The following ULK4 variants were observed in gnomAD, a reference collection of about 807,000 sequenced individuals.
ULK4 encodes unc-51 like kinase 4.
ULK4 carries 133 observed loss-of-function variants against 160.6 expected under a neutral mutation model. The ratio of observed to expected loss-of-function variants is 0.83; its 90% CI spans 0.72 to 0.96. ULK4 has a LOEUF of 0.96. Among genes scored for constraint, ULK4 ranks in the 40% least tolerant of loss-of-function variants. The pLI is 0.00. For synonymous variants in ULK4, 534 were observed against 539.8 expected, an observed-to-expected ratio of 0.99 and a Z score of 0.15; for missense variants, 1,580 against 1,499.5, an observed-to-expected ratio of 1.05 and a Z score of -0.89.
chr3:41,911,603 G>A lies in ULK4; in HGVS notation c.953C>T (p.Ser318Phe). 2 of 1,613,958 alleles carry A rather than the reference G, an allele frequency of 1.2e-6. No individual in the cohort carries two copies. Among genetic ancestry groups the A allele is most frequent in the Admixed American group, 1.7e-5 (1 of 60,014 alleles). Reference protein sequence around the residue: ...PQDSKELLQNSQSRQAKGHKS... With the variant: ...PQDSKELLQNFQSRQAKGHKS... Reference sequence around the variant, plus strand: ...GTGCCCTTTTGCTTGTCTACTCTGAGAGTTCTGCAAAAGCTCCTTGGAATC... The same window carrying A: ...GTGCCCTTTTGCTTGTCTACTCTGAAAGTTCTGCAAAAGCTCCTTGGAATC... The change falls in exon 10 of 37, where the codon TCT becomes TTT. Residue 318 changes from serine to phenylalanine, a missense_variant. Physicochemically the swap from Ser to Phe is radical, Grantham distance 155 (BLOSUM62 -2). Coordinates refer to ENST00000301831, the MANE Select transcript of ULK4 (RefSeq NM_017886.4).
chr3:41,314,642 A>G (rs182554971), intron 35 of ULK4, among the ~76,000 whole-genome samples: 25 of 152,360 alleles, frequency 1.6e-4, no homozygotes, highest in Admixed American at 5.2e-4. Flanking sequence ...TAGTGGTAAT[A>G]GTGGTGATGG....
At chr3:41,270,364 C>T (rs2079119493) in intron 35 of ULK4, among the ~76,000 whole-genome samples, 1 of 152,142 alleles carries the variant, frequency 6.6e-6, no homozygotes, top group South Asian at 2.1e-4. Flanking sequence ...CCATGTATGT[C>T]CACAACTGTC....
intron 17 of ULK4, among the ~76,000 whole-genome samples, chr3:41,881,441 C>G (rs1034349251): frequency 1.3e-5 from 2 of 152,118 alleles, no homozygotes; most frequent in Non-Finnish European, 1.5e-5. Context: ...CTAGTGGCTA[C>G]TTAAATTATC....
chr3:41,860,662 T>G (rs951389224), intron 17 of ULK4, among the ~76,000 whole-genome samples: 4 of 152,212 alleles, frequency 2.6e-5, no homozygotes, highest in Admixed American at 6.5e-5. Flanking sequence ...GGGTCTTGTT[T>G]TTTCATCCAG....
intron 5 of ULK4, among the ~76,000 whole-genome samples, chr3:41,922,611 G>C (rs1240782149): frequency 2.6e-5 from 4 of 151,334 alleles, no homozygotes; most frequent in Non-Finnish European, 5.9e-5. Context: ...GGGGTTAAGG[G>C]GTGAGGGGGG....
At chr3:41,379,335 G>A (rs2081594843) in intron 35 of ULK4, among the ~76,000 whole-genome samples, 1 of 152,152 alleles carries the variant, frequency 6.6e-6, no homozygotes. Flanking sequence ...AATGGAGGCA[G>A]AATAATTTGA....
At chr3:41,550,774 G>T (rs368839069) in intron 32 of ULK4, among the ~76,000 whole-genome samples, 1 of 151,964 alleles carries the variant, frequency 6.6e-6, no homozygotes, top group Non-Finnish European at 1.5e-5. Flanking sequence ...CTGTATTTTA[G>T]ATCATATGGA....
chr3:41,562,095 T>A (rs1264483483), intron 32 of ULK4, among the ~76,000 whole-genome samples: 1 of 152,236 alleles, frequency 6.6e-6, no homozygotes, highest in East Asian at 1.9e-4. Context: ...AACATCTTTA[T>A]TTCTGCCTTC....
chr3:41,520,683 G>C (rs549159615), intron 32 of ULK4, among the ~76,000 whole-genome samples: 1 of 152,186 alleles, frequency 6.6e-6, no homozygotes, highest in South Asian at 2.1e-4. Flanking sequence ...CCAGCAATGC[G>C]CAAGGATTCC....
chr3:41,877,264 G>A (rs1469995283), intron 17 of ULK4, among the ~76,000 whole-genome samples: 6 of 151,886 alleles, frequency 4.0e-5, no homozygotes, highest in African/African-American at 4.8e-5. Context: ...GTAACAATAC[G>A]TGTACTATTT....
intron 32 of ULK4, among the ~76,000 whole-genome samples, chr3:41,476,967 C>T (rs2084164616): frequency 6.6e-6 from 1 of 152,268 alleles, no homozygotes; most frequent in Middle Eastern, 3.4e-3. Context: ...AAAAGGGCTT[C>T]CGTGCTTTGC....
intron 32 of ULK4, among the ~76,000 whole-genome samples, chr3:41,504,640 A>G (rs2085317905): frequency 6.6e-6 from 1 of 152,172 alleles, no homozygotes; most frequent in South Asian, 2.1e-4. Flanking sequence ...AATTTTATAT[A>G]ATAGCTTTCA....
At chr3:41,510,431 G>C (rs1303595283) in intron 32 of ULK4, among the ~76,000 whole-genome samples, 2 of 152,150 alleles carry the variant, frequency 1.3e-5, no homozygotes, top group Admixed American at 1.3e-4. Flanking sequence ...CATCAAGACA[G>C]AAAGTCAACA....
chr3:41,698,725 A>G (rs964664231), intron 27 of ULK4, among the ~76,000 whole-genome samples: 1 of 152,182 alleles, frequency 6.6e-6, no homozygotes, highest in Non-Finnish European at 1.5e-5. Flanking sequence ...TAAGTATACA[A>G]TTCAGATAAT....
chr3:41,297,327 A>G (rs530780626), intron 35 of ULK4, among the ~76,000 whole-genome samples: 2 of 152,140 alleles, frequency 1.3e-5, no homozygotes, highest in Admixed American at 6.5e-5. Context: ...TCCTGCCACA[A>G]ATGCTTGGAA....
chr3:41,769,692 T>C (rs1559539234), intron 21 of ULK4, among the ~76,000 whole-genome samples: 1 of 152,214 alleles, frequency 6.6e-6, no homozygotes, highest in Non-Finnish European at 1.5e-5. Context: ...GGAATCTCTC[T>C]GAAATATACA....
chr3:41,389,571 A>G (rs972227365), intron 35 of ULK4, among the ~76,000 whole-genome samples: 26 of 152,184 alleles, frequency 1.7e-4, no homozygotes, highest in Admixed American at 1.6e-3. Flanking sequence ...ACTGAGAGTT[A>G]TTAGCATGAA....
chr3:41,842,460 T>C (rs2041957451), intron 17 of ULK4, among the ~76,000 whole-genome samples: 1 of 152,202 alleles, frequency 6.6e-6, no homozygotes, highest in Non-Finnish European at 1.5e-5. Context: ...GTGTTGGACG[T>C]GGGGCCTTGT....
At chr3:41,436,637 G>A (rs1249088940) in intron 34 of ULK4, among the ~76,000 whole-genome samples, 3 of 152,146 alleles carry the variant, frequency 2.0e-5, no homozygotes, top group Non-Finnish European at 4.4e-5. Flanking sequence ...CAGCTGTACT[G>A]GGTTATTGGA....
Sources: allele counts gnomAD v4.1 joint callset (sites outside exome capture counted in the v4.1 genomes callset), GRCh38; gene constraint gnomAD v4.1.1; transcripts MANE v1.5; gene names NCBI Gene and HGNC (gene_info 2026-07-23, HGNC 2026-07-21).